Variants in KIF14 observed in about 807,000 individuals in gnomAD.
KIF14 encodes kinesin family member 14, also known as kinesin-like protein KIF14.
A neutral mutation model predicts 176.2 loss-of-function variants in KIF14; 98 were observed. The ratio of observed to expected loss-of-function variants is 0.56; its 90% CI spans 0.47 to 0.66. The LOEUF (loss-of-function observed/expected upper bound fraction) is 0.66, where lower values mean the gene tolerates loss of function less well. Ranked by LOEUF, KIF14 falls within the 30% of genes least tolerant of loss-of-function variation. The pLI is 0.00. For missense variants in KIF14, 1,751 were observed against 1,920.4 expected (o/e 0.91, Z 1.65); for synonymous variants, 566 against 632.2 (o/e 0.90, Z 1.57).
At chr1:200,580,012 A>G in intron 21 of KIF14, among the ~76,000 whole-genome samples, 1 of 152,110 alleles carries the variant, frequency 6.6e-6, no homozygotes, top group Admixed American at 6.6e-5. Context: ...AAATTTCTCT[A>G]TTATACCTAT....
Position 200,569,964 on chromosome 1 carries a change from A to G in KIF14, c.3608T>C (p.Leu1203Ser). ...AATTGGATGGACTTGTATGTCATGT[A>G]AACAACCAGAAATTCTTCTGTTCTT... Reference protein sequence around the residue: ...LMKNRRISGCLHDIQVHPIKN... With the variant: ...LMKNRRISGCSHDIQVHPIKN... The change falls in exon 23 of 30, where the codon TTA becomes TCA. Residue 1203 changes from leucine to serine, a missense_variant. Coordinates refer to ENST00000367350, the MANE Select transcript of KIF14 (RefSeq NM_014875.3). 1.2e-6 allele frequency: 2 copies of G among 1,605,060 alleles called. No individual in the cohort carries two copies. The highest frequency in any genetic ancestry group is 1.7e-6 in the Non-Finnish European group (2 of 1,173,954).
chr1:200,605,346 A>G lies in KIF14; in HGVS notation c.1683T>C (p.Thr561=), dbSNP rs756245472. ...LGNKQRATAA[T]GMNDKSSRSH... ...ATCGGGAACTTTTATCATTCATACC[A>G]GTAGCAGCAGTAGCTCTTTGTTTAT... Residue 561 remains threonine, a synonymous_variant, in exon 8 of 30, where the codon ACT becomes ACC. Coordinates refer to ENST00000367350, the MANE Select transcript of KIF14 (RefSeq NM_014875.3). 7 of 1,613,812 alleles carry G rather than the reference A, an allele frequency of 4.3e-6. No homozygotes were observed. Among genetic ancestry groups the G allele is most frequent in the Non-Finnish European group, 5.9e-6 (7 of 1,179,822 alleles).
chr1:200,587,418 A>T (rs1405971674), intron 18 of KIF14, among the ~76,000 whole-genome samples: 1 of 152,170 alleles, frequency 6.6e-6, no homozygotes, highest in East Asian at 1.9e-4. Flanking sequence ...TAAAAAAAAA[A>T]AGGCCATATC....
chr1:200,603,394 T>C, intron 9 of KIF14, 53 bp from the exon 10 acceptor site: 2 of 829,190 alleles, frequency 2.4e-6, no homozygotes, highest in Admixed American at 4.1e-5. Flanking sequence ...CAGCAAGAAA[T>C]TTATTTCACA....
intron 9 of KIF14, among the ~76,000 whole-genome samples, 186 bp downstream of exon 9, chr1:200,603,653 C>T (rs529931837): frequency 1.4e-4 from 21 of 152,190 alleles, no homozygotes; most frequent in Non-Finnish European, 1.9e-4. Flanking sequence ...ATGACTCAAA[C>T]GTATTTTCTT....
intron 14 of KIF14, among the ~76,000 whole-genome samples, chr1:200,597,327 C>T (rs988221045): frequency 2.6e-5 from 4 of 151,974 alleles, no homozygotes; most frequent in African/African-American, 9.7e-5. Flanking sequence ...GATATTTATA[C>T]CAAAAAGCTC....
intron 21 of KIF14, among the ~76,000 whole-genome samples, chr1:200,577,786 GT>G (rs1658211069): frequency 6.7e-6 from 1 of 150,136 alleles, no homozygotes; most frequent in East Asian, 1.9e-4. Context: ...GTTTTTGTTT[GT>G]TTGTTTTTAA....
At chr1:200,555,482 A>G (rs113610276) in intron 27 of KIF14, 28 bp from the exon 28 acceptor site, 22 of 1,275,366 alleles carry the variant, frequency 1.7e-5, no homozygotes, top group Middle Eastern at 2.0e-4. Flanking sequence ...ATATTTTATT[A>G]TACTTTATTA....
intron 23 of KIF14, among the ~76,000 whole-genome samples, chr1:200,569,631 T>C (rs1331494921): frequency 6.6e-6 from 1 of 152,244 alleles, no homozygotes; most frequent in Non-Finnish European, 1.5e-5. Flanking sequence ...CACTGCACTT[T>C]GCTTCCTTTC....
chr1:200,590,235 T>C lies in KIF14; in HGVS notation c.2851A>G (p.Lys951Glu). 7.4e-6 allele frequency: 12 copies of C among 1,613,960 alleles called. No individual in the cohort carries two copies. Among genetic ancestry groups the C allele is most frequent in the Non-Finnish European group, 1.0e-5 (12 of 1,179,964 alleles). The change falls in exon 17 of 30, where the codon AAG becomes GAG. Residue 951 changes from lysine to glutamate, a missense_variant. Transcript: ENST00000367350. ...TGGATTCCTTGCATCATTTCTTCCT[T>C]TGCCTTCAACTGAGCCTCTTTTATT... ...AEIKEAQLKA[K>E]EEMMQGIQIA...
chr1:200,551,977 A>G lies in KIF14; in HGVS notation c.*1411T>C, dbSNP rs965985357. 1 of 152,224 alleles carries G rather than the reference A, an allele frequency of 6.6e-6. No individual in the cohort carries two copies. The highest frequency in any genetic ancestry group is 1.5e-5 in the Non-Finnish European group (1 of 68,038). 9.4% of individuals were successfully genotyped at this position (152,224 alleles called of 1,614,324 possible). The stretch of plus-strand genomic sequence containing the variant: ...AGCTTGAAAACACCACACAAGGTTC[A>G]CTAATACTGTTCTGACTGCAATGAC... On this transcript the variant is annotated 3_prime_UTR_variant, in exon 30 of 30. Transcript: ENST00000367350.
rs985146208 is a variant in KIF14 at position 200,554,556 on chromosome 1, G to A, written c.4479C>T (p.Phe1493=). ...CTGGAGCACGATTAACCATCCTCTT[G>A]AAATCTTGGTATTCAAAGTTTTCTT... The part of the protein sequence containing the change: ...VQEENFEYQD[F]KRMVNRAPEF... Residue 1493 remains phenylalanine, a synonymous_variant, in exon 29 of 30, where the codon TTC becomes TTT. Coordinates refer to ENST00000367350, the MANE Select transcript of KIF14 (RefSeq NM_014875.3). 1 of 1,554,692 alleles carries A rather than the reference G, an allele frequency of 6.4e-7. No individual in the cohort carries two copies. The highest frequency in any genetic ancestry group is 8.8e-7 in the Non-Finnish European group (1 of 1,130,046).
intron 17 of KIF14, among the ~76,000 whole-genome samples, 197 bp downstream of exon 17, chr1:200,589,928 C>T (rs1454072880): frequency 6.6e-6 from 1 of 151,924 alleles, no homozygotes; most frequent in East Asian, 1.9e-4. Context: ...GCTGGGATTA[C>T]GGGCATGAGC....
In KIF14 at chr1:200,588,471, C is replaced by T. The variant is rs929884431; in HGVS notation, c.3114+746G>A. Among the ~76,000 whole-genome samples the T allele has an allele frequency of 3.9e-5, 6 of 151,974 alleles. No homozygotes were observed. The East Asian group carries it at 7.7e-4, about 20-fold the overall frequency. Reference sequence around the variant, plus strand: ...GGCCAGGATGGCATCGATCTCTTAACGTCGTAATCCACCCGCCTCAGCCTC... The same window carrying T: ...GGCCAGGATGGCATCGATCTCTTAATGTCGTAATCCACCCGCCTCAGCCTC... On this transcript the variant is annotated intron_variant, in intron 18 of 29. Coordinates refer to ENST00000367350, the MANE Select transcript of KIF14 (RefSeq NM_014875.3).
chr1:200,598,778 C>T (rs1232203033), intron 13 of KIF14, among the ~76,000 whole-genome samples: 4 of 152,024 alleles, frequency 2.6e-5, no homozygotes, highest in East Asian at 1.9e-4. Context: ...AGGCTGGTCT[C>T]GAACTCCTGA....
At chr1:200,563,955 C>T (rs1392675968) in intron 25 of KIF14, among the ~76,000 whole-genome samples, 1 of 152,028 alleles carries the variant, frequency 6.6e-6, no homozygotes, top group Non-Finnish European at 1.5e-5. Flanking sequence ...TTTCCAGAAA[C>T]CTCCCTTAAA....
chr1:200,580,422 CAT>C (rs754903595), intron 20 of KIF14, 39 bp from the exon 21 acceptor site: 1 of 1,332,228 alleles, frequency 7.5e-7, no homozygotes, highest in Non-Finnish European at 9.9e-7. Context: ...TATCCTGAAA[CAT>C]ACACATCCAT....
intron 29 of KIF14, 99 bp from the exon 30 acceptor site, chr1:200,553,866 A>G (rs115957591): frequency 0.029 from 34,929 of 1,212,114 alleles, 630 homozygotes; most frequent in Middle Eastern, 0.051. Context: ...AGTCAAAGTG[A>G]CCCTATCAAA....
rs774904122 is a variant in KIF14, at chr1:200,575,617, T to C, written c.3540A>G (p.Ala1180=). 29 of 1,584,420 alleles carry C rather than the reference T, an allele frequency of 1.8e-5. No homozygotes were observed. Among genetic ancestry groups the C allele is most frequent in the Non-Finnish European group, 2.3e-5 (27 of 1,162,058 alleles). The change falls in exon 22 of 30, where the codon GCA becomes GCG. Residue 1180 remains alanine (A), a synonymous_variant. Coordinates refer to ENST00000367350, the MANE Select transcript of KIF14 (RefSeq NM_014875.3). ...EDEWEPDITD[A]PVSSLSRRRS... Reference sequence around the variant, plus strand: ...TCCTTCTAGAAAGTGAAGAAACTGGTGCATCTGTAATGTCGGGTTCCCATT... The same window carrying C: ...TCCTTCTAGAAAGTGAAGAAACTGGCGCATCTGTAATGTCGGGTTCCCATT...
Sources: allele counts gnomAD v4.1 joint callset (sites outside exome capture counted in the v4.1 genomes callset), GRCh38; gene constraint gnomAD v4.1.1; transcripts MANE v1.5; gene names NCBI Gene and HGNC (gene_info 2026-07-23, HGNC 2026-07-21).